The following LRRC8D variants were observed in gnomAD, a reference collection of about 807,000 sequenced individuals.
LRRC8D encodes the protein leucine rich repeat containing 8 VRAC subunit D, also known as volume-regulated anion channel subunit LRRC8D.
A neutral mutation model predicts 55.8 loss-of-function variants in LRRC8D; 20 were observed. The ratio of observed to expected loss-of-function variants is 0.36; its 90% CI spans 0.25 to 0.52. LRRC8D has a LOEUF of 0.52. LRRC8D is among the 20% of genes least tolerant of loss of function. The probability of loss-of-function intolerance (pLI) is 0.93; values close to 1 mark genes in which losing one functional copy is unlikely to be tolerated. For missense variants in LRRC8D, 651 were observed against 1,030.8 expected (o/e 0.63, Z 5.05); for synonymous variants, 352 against 377.0 (o/e 0.93, Z 0.77).
At chr1:89,871,559 A>T (rs1164857832) in intron 2 of LRRC8D, among the ~76,000 whole-genome samples, 1 of 152,232 alleles carries the variant, frequency 6.6e-6, no homozygotes, top group Non-Finnish European at 1.5e-5. Flanking sequence ...TACATATGGT[A>T]TAATTACTCT....
At chr1:89,870,676 C>T (rs940564517) in intron 2 of LRRC8D, among the ~76,000 whole-genome samples, 6 of 152,054 alleles carry the variant, frequency 3.9e-5, no homozygotes, top group Non-Finnish European at 8.8e-5. Flanking sequence ...ATTTGACACC[C>T]CCTCCCCACC....
chr1:89,851,435 C>T (rs1434113935), intron 2 of LRRC8D, among the ~76,000 whole-genome samples: 1 of 152,080 alleles, frequency 6.6e-6, no homozygotes, highest in Non-Finnish European at 1.5e-5. Context: ...ACACTGAATG[C>T]TAGGTCACTT....
rs72716316 is a variant in LRRC8D, at chr1:89,847,619, T to C, written c.-3+3837T>C. ...GAGTGGAGATAAATGCAAGTTAAGA[T>C]TTCATTTTTTCAAAACTTTTTTTCC... On this transcript the variant is annotated intron_variant, in intron 2 of 2. Coordinates refer to ENST00000337338, the MANE Select transcript of LRRC8D (RefSeq NM_001134479.2). Among the ~76,000 whole-genome samples the C allele has an allele frequency of 9.8e-3, 1,490 of 152,260 alleles. 11 individuals are homozygous for C. Among genetic ancestry groups the C allele is most frequent in the Middle Eastern group, 0.02 (6 of 294 alleles).
intron 2 of LRRC8D, among the ~76,000 whole-genome samples, chr1:89,854,246 G>A (rs1046716441): frequency 6.6e-6 from 1 of 152,196 alleles, no homozygotes; most frequent in East Asian, 1.9e-4. Flanking sequence ...AGAGTGTGGG[G>A]CCTTGAGGAG....
rs1424640143 is a variant in LRRC8D at position 89,911,951 on chromosome 1, C to T, written c.-2-21116C>T. Among the ~76,000 whole-genome samples, 2 of 152,146 alleles carry T rather than the reference C, an allele frequency of 1.3e-5. No individual in the cohort carries two copies. The highest frequency in any genetic ancestry group is 2.9e-5 in the Non-Finnish European group (2 of 68,030). ...TTTTCTTCTCCCAGTTCCCTAAATG[C>T]TAGTGATCCCCTGGATTCTGCCATT... is the stretch of plus-strand genomic sequence containing the variant. On this transcript the variant is annotated intron_variant, in intron 2 of 2. Coordinates refer to ENST00000337338, the MANE Select transcript of LRRC8D (RefSeq NM_001134479.2). This position sits in a 1 kb window ranked among gnomAD's most constrained non-coding sequence, Gnocchi z 4.0.
At chr1:89,873,435 A>C (rs1206887872) in intron 2 of LRRC8D, among the ~76,000 whole-genome samples, 1 of 152,246 alleles carries the variant, frequency 6.6e-6, no homozygotes. Flanking sequence ...TACCAAACAC[A>C]AAAGCCAGCT....
In LRRC8D at chr1:89,935,558, G is replaced by A. The variant is rs750285335; in HGVS notation, c.2490G>A (p.Val830=). 12 of 1,614,130 alleles carry A rather than the reference G, an allele frequency of 7.4e-6. No homozygotes were observed. The highest frequency in any genetic ancestry group is 3.3e-4 in the Middle Eastern group (2 of 6,062). ...CRMLKKSGLV[V]EDHLFDTLPL... ...TGCTCAAGAAAAGCGGGCTTGTTGTGGAAGATCACCTTTTTGATACCCTGC... is the reference window on the plus strand; with the variant it reads ...TGCTCAAGAAAAGCGGGCTTGTTGTAGAAGATCACCTTTTTGATACCCTGC... The change falls in exon 3 of 3, where the codon GTG becomes GTA. Residue 830 remains valine, a synonymous_variant. Coordinates refer to ENST00000337338, the MANE Select transcript of LRRC8D (RefSeq NM_001134479.2).
chr1:89,853,006 A>G (rs1661459932), intron 2 of LRRC8D, among the ~76,000 whole-genome samples: 2 of 152,216 alleles, frequency 1.3e-5, no homozygotes, highest in Non-Finnish European at 1.5e-5. Flanking sequence ...AAGTGTTGCA[A>G]TCACTGTTTT....
Position 89,934,742 on chromosome 1 carries a change from G to A in LRRC8D, c.1674G>A (p.Leu558=). 1 of 1,614,098 alleles carries A rather than the reference G, an allele frequency of 6.2e-7. No individual in the cohort carries two copies. The highest frequency in any genetic ancestry group is 1.7e-5 in the Admixed American group (1 of 60,014). Residue 558 remains leucine (L), a synonymous_variant, in exon 3 of 3, where the codon TTG becomes TTA. Coordinates refer to ENST00000337338, the MANE Select transcript of LRRC8D (RefSeq NM_001134479.2). The surrounding 1 kb of genome is among the most constrained non-coding windows in gnomAD (Gnocchi z 5.9). ...DVAEIPAWVY[L]LKNLRELYLI... The stretch of plus-strand genomic sequence containing the variant: ...CTGAAATTCCTGCCTGGGTGTATTT[G>A]CTCAAAAACCTTCGAGAGTTGTACT...
At chr1:89,916,437 G>A (rs1360360531) in intron 2 of LRRC8D, among the ~76,000 whole-genome samples, 5 of 152,230 alleles carry the variant, frequency 3.3e-5, no homozygotes, top group East Asian at 1.9e-4. Flanking sequence ...TCACTAAATC[G>A]AAAATAAGGA....
chr1:89,846,492 G>A (rs912215103), intron 2 of LRRC8D: 5 of 152,132 alleles, frequency 3.3e-5, no homozygotes, highest in African/African-American at 9.7e-5. Flanking sequence ...AAGGTCTTCT[G>A]ATGTAATCCG....
At chr1:89,867,009 T>C (rs1440115109) in intron 2 of LRRC8D, among the ~76,000 whole-genome samples, 1 of 152,222 alleles carries the variant, frequency 6.6e-6, no homozygotes, top group Admixed American at 6.5e-5. Context: ...TTTAACTGTT[T>C]TATTGAGATA....
intron 2 of LRRC8D, among the ~76,000 whole-genome samples, chr1:89,866,538 G>A (rs368872627): frequency 5.3e-5 from 8 of 152,176 alleles, no homozygotes; most frequent in African/African-American, 1.9e-4. Context: ...TTCATAGACT[G>A]TGTACAAAAA....
At chr1:89,825,496 A>G (rs1660741389) in intron 1 of LRRC8D, among the ~76,000 whole-genome samples, 1 of 152,196 alleles carries the variant, frequency 6.6e-6, no homozygotes, top group South Asian at 2.1e-4. Flanking sequence ...GTTGCTTTTG[A>G]AATTTGTGAG....
chr1:89,910,377 A>T (rs890870285), intron 2 of LRRC8D, among the ~76,000 whole-genome samples: 1 of 152,196 alleles, frequency 6.6e-6, no homozygotes, highest in African/African-American at 2.4e-5. Flanking sequence ...AATCCATGGA[A>T]TTGTCTTTTA....
At chr1:89,860,785 A>AATATATATATATATAT (rs35932362) in intron 2 of LRRC8D, among the ~76,000 whole-genome samples, 26 of 28,196 alleles carry the variant, frequency 9.2e-4, no homozygotes, top group South Asian at 1.5e-3. Flanking sequence ...AAAAAAAAAA[A>AATATATATATATATAT]ATATATATAT....
At chr1:89,851,799 C>T (rs778799616) in intron 2 of LRRC8D, among the ~76,000 whole-genome samples, 21 of 152,068 alleles carry the variant, frequency 1.4e-4, no homozygotes, top group Non-Finnish European at 2.5e-4. Flanking sequence ...CATGAGCCAC[C>T]GCGACCGGCA....
chr1:89,850,129 G>A (rs1661375342), intron 2 of LRRC8D, among the ~76,000 whole-genome samples: 1 of 152,052 alleles, frequency 6.6e-6, no homozygotes, highest in African/African-American at 2.4e-5. Flanking sequence ...AGCACTATTT[G>A]CCAACTAGTA....
Position 89,934,499 on chromosome 1 carries a change from C to T in LRRC8D, c.1431C>T (p.Phe477=). The change falls in exon 3 of 3, where the codon TTC becomes TTT. Residue 477 remains phenylalanine, a synonymous_variant. Coordinates refer to ENST00000337338, the MANE Select transcript of LRRC8D (RefSeq NM_001134479.2). The surrounding 1 kb of genome is among the most constrained non-coding windows in gnomAD (Gnocchi z 5.9). ...NAQDKQELHL[F]MLSGVPDAVF... Reference sequence around the variant, plus strand: ...AGGACAAGCAGGAGTTGCATCTGTTCATGCTGTCGGGGGTGCCCGATGCTG... The same window carrying T: ...AGGACAAGCAGGAGTTGCATCTGTTTATGCTGTCGGGGGTGCCCGATGCTG... The T allele has an allele frequency of 6.2e-7, 1 of 1,614,198 alleles. No homozygotes were observed. The highest frequency in any genetic ancestry group is 8.5e-7 in the Non-Finnish European group (1 of 1,180,042).
Sources: gnomAD v4.1 joint callset for allele counts (sites outside exome capture counted in the v4.1 genomes callset) on GRCh38, gnomAD v4.1.1 for gene constraint, Gnocchi (gnomAD v3.1) non-coding constraint, MANE v1.5 for transcripts, NCBI Gene and HGNC (gene_info 2026-07-23, HGNC 2026-07-21) for gene names.